The following THADA variants were observed in gnomAD, a reference collection of about 807,000 sequenced individuals.
THADA encodes the protein tRNA (32-2'-O)-methyltransferase regulator THADA.
THADA carries 213 observed loss-of-function variants against 219.8 expected under a neutral mutation model. That is an observed-to-expected ratio of 0.97 (90% CI 0.87 to 1.09). The LOEUF (loss-of-function observed/expected upper bound fraction) is 1.09. THADA is among the 50% of genes least tolerant of loss of function. The pLI, the probability that THADA is intolerant of heterozygous loss-of-function variation, is 0.00. For missense variants in THADA, 2,956 were observed against 2,311.3 expected, an observed-to-expected ratio of 1.28 and a Z score of -5.72; for synonymous variants, 1,018 against 828.9, an observed-to-expected ratio of 1.23 and a Z score of -3.92.
chr2:43,490,433 C>A (rs760485074), intron 25 of THADA, among the ~76,000 whole-genome samples: 6 of 152,166 alleles, frequency 3.9e-5, no homozygotes, highest in South Asian at 2.1e-4. Flanking sequence ...AGAAAGATTT[C>A]AGTCCTTTAC....
At chr2:43,450,856 A>T (rs1030568801) in intron 26 of THADA, among the ~76,000 whole-genome samples, 5 of 152,230 alleles carry the variant, frequency 3.3e-5, no homozygotes, top group Non-Finnish European at 7.3e-5. Flanking sequence ...CAAAAGACAA[A>T]CACTGTATGA....
Position 43,581,745 on chromosome 2 carries a change from G to A in THADA, c.717C>T (p.Ser239=), listed in dbSNP as rs766024708. The A allele has an allele frequency of 1.5e-5, 24 of 1,608,280 alleles. No homozygotes were observed. Among genetic ancestry groups the A allele is most frequent in the Non-Finnish European group, 1.9e-5 (22 of 1,178,644 alleles). Residue 239 remains serine, a synonymous_variant, in exon 8 of 38, where the codon AGC becomes AGT. Coordinates refer to ENST00000405975, the MANE Select transcript of THADA (RefSeq NM_022065.5). The part of the protein sequence containing the change: ...GLLSIFTKVL[S]DDDLLQTVQS... ...TATATAATTTGTTACACTTACCATC[G>A]CTTAAAACCTTGGTAAAAATACTCA...
chr2:43,424,065 G>A (rs1041016959), intron 28 of THADA, among the ~76,000 whole-genome samples: 4 of 152,072 alleles, frequency 2.6e-5, no homozygotes, highest in African/African-American at 4.8e-5. Flanking sequence ...AAATACACTG[G>A]ATTTTTTAAA....
intron 26 of THADA, among the ~76,000 whole-genome samples, chr2:43,435,192 C>T (rs548269705): frequency 1.4e-4 from 22 of 152,284 alleles, no homozygotes; most frequent in Admixed American, 8.5e-4. Flanking sequence ...CAGCGGCTCA[C>T]GACTGTAATC....
intron 31 of THADA, among the ~76,000 whole-genome samples, chr2:43,306,538 G>C (rs1676884441): frequency 6.6e-6 from 1 of 152,146 alleles, no homozygotes. Flanking sequence ...TAGTAAGAGA[G>C]GCTAGGATCA....
chr2:43,446,986 C>G (rs1007004614), intron 26 of THADA, among the ~76,000 whole-genome samples: 1 of 152,072 alleles, frequency 6.6e-6, no homozygotes, highest in Non-Finnish European at 1.5e-5. Context: ...CGTATTAGTC[C>G]GTTTTCATGC....
At chr2:43,369,345 C>T (rs766955957) in intron 29 of THADA, among the ~76,000 whole-genome samples, 28 of 152,164 alleles carry the variant, frequency 1.8e-4, no homozygotes, top group Non-Finnish European at 3.4e-4. Flanking sequence ...AAATCCAGAA[C>T]ACCTTTTGTC....
In THADA at chr2:43,541,197, C is replaced by T; in HGVS notation, c.3226G>A (p.Val1076Met). 1.2e-6 allele frequency: 2 copies of T among 1,603,428 alleles called. No homozygotes were observed. The highest frequency in any genetic ancestry group is 1.7e-6 in the Non-Finnish European group (2 of 1,176,348). Reference sequence around the variant, plus strand: ...AATAATCCATCAGAAGATTCTGGCACAGGCTGCATGGGCAGAAGCTGGCAC... The same window carrying T: ...AATAATCCATCAGAAGATTCTGGCATAGGCTGCATGGGCAGAAGCTGGCAC... ...MLCQLLPMQP[V>M]PESSDGLLTV... The change falls in exon 21 of 38, where the codon GTG becomes ATG. Residue 1076 changes from valine (V) to methionine (M), a missense_variant. Val to Met is a conservative substitution (Grantham distance 21). Transcript: ENST00000405975.
chr2:43,437,760 T>C (rs904520944), intron 26 of THADA, among the ~76,000 whole-genome samples: 5 of 152,166 alleles, frequency 3.3e-5, no homozygotes, highest in Admixed American at 1.3e-4. Context: ...TGAACAGCAT[T>C]GGAAGATATA....
rs542422632 is a variant in THADA, at chr2:43,371,794, T to C, written c.4227+26177A>G. ...TGTTTGCCAAACCTCCACACGCAAT[T>C]TGGCCACTTAATTGCTTAGAGGGTC... On this transcript the variant is annotated intron_variant, in intron 29 of 37. Coordinates refer to ENST00000405975, the MANE Select transcript of THADA (RefSeq NM_022065.5). 3.2e-4 allele frequency among the ~76,000 whole-genome samples: 49 copies of C among 152,288 alleles called. 1 individual carries two copies. In the South Asian group the frequency reaches 9.1e-3, roughly 28 times the overall value.
At chr2:43,320,312 C>T (rs1412324892) in intron 31 of THADA, 134 bp downstream of exon 31, 2 of 608,534 alleles carry the variant, frequency 3.3e-6, no homozygotes, top group Non-Finnish European at 5.8e-6. Context: ...CTATATGACA[C>T]TGTTTAATTT....
chr2:43,536,065 G>A (rs1694559144), intron 21 of THADA, among the ~76,000 whole-genome samples: 1 of 152,064 alleles, frequency 6.6e-6, no homozygotes, highest in African/African-American at 2.4e-5. Flanking sequence ...GCCTCCCAAA[G>A]TGCTGGGATT....
At chr2:43,393,849 A>T (rs529609388) in intron 29 of THADA, among the ~76,000 whole-genome samples, 35 of 152,304 alleles carry the variant, frequency 2.3e-4, no homozygotes, top group Admixed American at 7.2e-4. Context: ...AATGGTATAC[A>T]TTTTCTTATG....
intron 34 of THADA, among the ~76,000 whole-genome samples, chr2:43,288,298 A>ATT (rs1674289007): frequency 6.6e-6 from 1 of 152,164 alleles, no homozygotes; most frequent in Non-Finnish European, 1.5e-5. Flanking sequence ...CGTGCCTGTA[A>ATT]TCCCAGCTAC....
At chr2:43,363,414 C>T (rs1397297065) in intron 29 of THADA, among the ~76,000 whole-genome samples, 1 of 152,184 alleles carries the variant, frequency 6.6e-6, no homozygotes, top group Non-Finnish European at 1.5e-5. Flanking sequence ...TTATGTGATG[C>T]ATGACCGTAG....
intron 26 of THADA, among the ~76,000 whole-genome samples, chr2:43,458,653 G>A (rs551585910): frequency 3.3e-5 from 5 of 151,996 alleles, no homozygotes; most frequent in Non-Finnish European, 5.9e-5. Context: ...CTACATCTCC[G>A]GTTTACAAAT....
chr2:43,522,565 C>G (rs928744648), intron 22 of THADA, among the ~76,000 whole-genome samples: 1 of 152,170 alleles, frequency 6.6e-6, no homozygotes, highest in Non-Finnish European at 1.5e-5. Flanking sequence ...AATTCTAAAA[C>G]TTTACTTAAA....
At chr2:43,289,100 G>C (rs1674389781) in intron 34 of THADA, among the ~76,000 whole-genome samples, 1 of 152,156 alleles carries the variant, frequency 6.6e-6, no homozygotes, top group South Asian at 2.1e-4. Flanking sequence ...CTTTTACTTA[G>C]CATAATGTTT....
intron 22 of THADA, among the ~76,000 whole-genome samples, chr2:43,527,398 T>A (rs1254979802): frequency 6.6e-6 from 1 of 152,196 alleles, no homozygotes; most frequent in East Asian, 1.9e-4. Flanking sequence ...TCTAAGTAGT[T>A]TTCCAGGTAA....
Sources: allele counts gnomAD v4.1 joint callset (sites outside exome capture counted in the v4.1 genomes callset), GRCh38; gene constraint gnomAD v4.1.1; transcripts MANE v1.5; gene names NCBI Gene and HGNC (gene_info 2026-07-23, HGNC 2026-07-21).